The following GNAT3 variants were observed in gnomAD, a reference collection of about 807,000 sequenced individuals.
GNAT3 encodes the protein G protein subunit alpha transducin 3.
GNAT3 carries 31 observed loss-of-function variants against 37.7 expected under a neutral mutation model. The observed-to-expected ratio is 0.82, with a 90% CI of 0.62 to 1.11. The LOEUF is 1.11. Among genes scored for constraint, GNAT3 ranks in the 50% most tolerant of loss-of-function variants. The pLI, the probability that GNAT3 is intolerant of heterozygous loss-of-function variation, is 0.00. For synonymous variants in GNAT3, 138 were observed against 139.8 expected (o/e 0.99, Z 0.09); for missense variants, 437 against 412.5 (o/e 1.06, Z -0.51).
intron 1 of GNAT3, among the ~76,000 whole-genome samples, chr7:80,502,707 A>G (rs1442096960): frequency 7.2e-6 from 1 of 139,370 alleles, no homozygotes. Context: ...TGGTCCTGCT[A>G]AAAAAAAAAA....
At chr7:80,478,130 C>T (rs1790335672) in intron 4 of GNAT3, among the ~76,000 whole-genome samples, 1 of 152,210 alleles carries the variant, frequency 6.6e-6, no homozygotes, top group African/African-American at 2.4e-5. Context: ...AGGCTGGTCT[C>T]AAATTCCTTA....
intron 1 of GNAT3, among the ~76,000 whole-genome samples, chr7:80,510,203 A>G (rs1297474323): frequency 6.6e-6 from 1 of 152,088 alleles, no homozygotes; most frequent in Non-Finnish European, 1.5e-5. Context: ...CTGAATCTCT[A>G]GTTGACTGGC....
At chr7:80,467,951 T>C (rs1322173873) in intron 5 of GNAT3, among the ~76,000 whole-genome samples, 3 of 152,048 alleles carry the variant, frequency 2.0e-5, no homozygotes, top group Non-Finnish European at 4.4e-5. Flanking sequence ...TTAAGTTTTT[T>C]TTTTAAGGAG....
intron 2 of GNAT3, among the ~76,000 whole-genome samples, chr7:80,490,563 T>C (rs1790572526): frequency 6.6e-6 from 1 of 152,158 alleles, no homozygotes; most frequent in Admixed American, 6.6e-5. Flanking sequence ...TAGTTATTCC[T>C]AGATGGTCAA....
At chr7:80,466,367 T>C (rs1371268644) in intron 5 of GNAT3, among the ~76,000 whole-genome samples, 1 of 152,148 alleles carries the variant, frequency 6.6e-6, no homozygotes, top group East Asian at 1.9e-4. Context: ...TTGTATTCTT[T>C]TAGTCACATT....
Position 80,474,341 on chromosome 7 carries a change from TA to T in GNAT3, c.499del (p.Tyr167MetfsTer13). 6.4e-7 allele frequency: 1 copy of T among 1,556,358 alleles called. No homozygotes were observed. Among genetic ancestry groups the T allele is most frequent in the Non-Finnish European group, 8.7e-7 (1 of 1,146,554 alleles). ...NDLDRITASGYVPNEQDVLHS... is the reference protein window; with the variant it reads ...NDLDRITASGXVPNEQDVLHS... ...GAGAACATCTTGTTCATTTGGCACA[TA>T]CCCAGATGCTGTTATTCTATCTAAA... On this transcript the variant is annotated frameshift_variant, in exon 5 of 8. Coordinates refer to ENST00000398291, the MANE Select transcript of GNAT3 (RefSeq NM_001102386.3). LOFTEE classifies it high-confidence loss of function.
At position 80,488,440 on chromosome 7, in the gene GNAT3, G is replaced by T. The variant is rs1429321041; in HGVS notation, c.303+95C>A. On this transcript the variant is annotated intron_variant, in intron 3 of 7. Transcript: ENST00000398291. Reference sequence around the variant, plus strand: ...TTCATGTTTCATATTTTTAAATTTTGGATATAGATTAATACTATGAACTTA... The same window carrying T: ...TTCATGTTTCATATTTTTAAATTTTTGATATAGATTAATACTATGAACTTA... The T allele has an allele frequency of 5.9e-6, 5 of 846,748 alleles. No individual in the cohort carries two copies. The Admixed American group carries it at 9.3e-5, about 16-fold the overall frequency. The allele number at this position is 846,748 out of a possible 1,614,324, so 52.5% of individuals were successfully genotyped here. A position where few individuals can be genotyped will look rare whatever the true frequency, so the allele number is the denominator to read the frequency against.
rs773880375 is a variant in GNAT3 at position 80,462,567 on chromosome 7, T to C, written c.655A>G (p.Thr219Ala). The change falls in exon 6 of 8, where the codon ACA becomes GCA. Residue 219 changes from threonine to alanine, a missense_variant. Transcript: ENST00000398291. ...AGTGCAGCACAAAATATAATGCATG[T>C]AACTCCTTCAAAGCAGTGAATCCAC... ...KKWIHCFEGV[T>A]CIIFCAALSA... 1 of 1,612,596 alleles carries C rather than the reference T, an allele frequency of 6.2e-7. No homozygotes were observed.
chr7:80,471,766 A>G (rs549485110), intron 5 of GNAT3, among the ~76,000 whole-genome samples: 8 of 152,254 alleles, frequency 5.3e-5, no homozygotes, highest in Non-Finnish European at 7.4e-5. Flanking sequence ...TTCCATCTCT[A>G]GCACTTCCGT....
intron 1 of GNAT3, among the ~76,000 whole-genome samples, chr7:80,497,643 C>CGT (rs1790755072): frequency 2.6e-5 from 3 of 117,312 alleles, no homozygotes; most frequent in African/African-American, 1.4e-4. Flanking sequence ...TACGTATATA[C>CGT]ATATACGTAT....
At chr7:80,469,333 T>C (rs1279876260) in intron 5 of GNAT3, among the ~76,000 whole-genome samples, 1 of 152,142 alleles carries the variant, frequency 6.6e-6, no homozygotes, top group Non-Finnish European at 1.5e-5. Context: ...ATGGAAAAAT[T>C]AGGGAGAAAG....
chr7:80,487,136 T>A (rs1790500330), intron 3 of GNAT3, among the ~76,000 whole-genome samples: 1 of 152,176 alleles, frequency 6.6e-6, no homozygotes, highest in Non-Finnish European at 1.5e-5. Context: ...TTGTTTTTTT[T>A]AAATTAAGGT....
At chr7:80,472,319 C>A (rs1289204904) in intron 5 of GNAT3, among the ~76,000 whole-genome samples, 1 of 152,074 alleles carries the variant, frequency 6.6e-6, no homozygotes, top group Non-Finnish European at 1.5e-5. Flanking sequence ...CTACAATCAG[C>A]CAGCCCTCCA....
At chr7:80,475,768 A>C (rs940499105) in intron 4 of GNAT3, among the ~76,000 whole-genome samples, 5 of 152,166 alleles carry the variant, frequency 3.3e-5, no homozygotes, top group African/African-American at 1.2e-4. Context: ...TTTTCCTTTT[A>C]AGCTGAAACA....
intron 2 of GNAT3, 117 bp from the exon 3 acceptor site, chr7:80,488,793 G>T: frequency 1.5e-6 from 1 of 659,940 alleles, no homozygotes; most frequent in South Asian, 2.6e-5. Flanking sequence ...AAGGAATTTT[G>T]ACCATACATA....
At position 80,458,810 on chromosome 7, in the gene GNAT3, T is replaced by C. The variant is rs371288725; in HGVS notation, c.926A>G (p.Asp309Gly). The C allele has an allele frequency of 1.9e-5, 31 of 1,595,582 alleles. No individual in the cohort carries two copies. The African/African-American group carries it at 4.0e-4, about 21-fold the overall frequency. Reference sequence around the variant, plus strand: ...CTTATCTTCTTTTTTTAAATTCAGGTCTAGAAACTGGTTCTTGATGTAGTT... The same window carrying C: ...CTTATCTTCTTTTTTTAAATTCAGGCCTAGAAACTGGTTCTTGATGTAGTT... ...AGNYIKNQFL[D>G]LNLKKEDKEI... Residue 309 changes from aspartate (D) to glycine (G), a missense_variant, in exon 8 of 8, where the codon GAC becomes GGC. Physicochemically the swap from Asp to Gly is moderately conservative, Grantham distance 94. Transcript: ENST00000398291.
At chr7:80,490,328 C>T (rs1790568294) in intron 2 of GNAT3, among the ~76,000 whole-genome samples, 1 of 152,062 alleles carries the variant, frequency 6.6e-6, no homozygotes, top group Admixed American at 6.6e-5. Flanking sequence ...TATTTCAAGG[C>T]AAAATAGAGA....
chr7:80,460,046 T>C (rs1790023692), intron 7 of GNAT3, among the ~76,000 whole-genome samples: 2 of 152,326 alleles, frequency 1.3e-5, no homozygotes, highest in East Asian at 3.9e-4. Flanking sequence ...AGCATCTTTT[T>C]CCATAATTGC....
chr7:80,495,825 A>C (rs1007722267), intron 1 of GNAT3, among the ~76,000 whole-genome samples: 1 of 152,020 alleles, frequency 6.6e-6, no homozygotes, highest in Non-Finnish European at 1.5e-5. Flanking sequence ...ATTTTCTTAC[A>C]TGATTGTTAG....
Sources: gnomAD v4.1 joint callset for allele counts (sites outside exome capture counted in the v4.1 genomes callset) on GRCh38, gnomAD v4.1.1 for gene constraint, MANE v1.5 for transcripts, NCBI Gene and HGNC (gene_info 2026-07-23, HGNC 2026-07-21) for gene names.